Variants in NEK10 observed in about 807,000 individuals in gnomAD.
The protein encoded by NEK10 is serine/threonine-protein kinase Nek10.
In NEK10, 122 loss-of-function variants were observed where a neutral mutation model predicts 159.8. That is an observed-to-expected ratio of 0.76 (90% confidence interval 0.66 to 0.89). The LOEUF (loss-of-function observed/expected upper bound fraction) is 0.89, where lower values mean the gene tolerates loss of function less well. NEK10 is among the 40% of genes least tolerant of loss of function. NEK10 has a pLI of 0.00. For missense variants in NEK10, 1,342 were observed against 1,323.1 expected, an observed-to-expected ratio of 1.01 and a Z score of -0.22; for synonymous variants, 466 against 457.1, an observed-to-expected ratio of 1.02 and a Z score of -0.25.
intron 23 of NEK10, among the ~76,000 whole-genome samples, chr3:27,204,275 C>CTTTTTTTTT (rs1203026508): frequency 6.7e-4 from 43 of 63,874 alleles, no homozygotes; most frequent in Non-Finnish European, 8.5e-4. Flanking sequence ...GATAAATTTT[C>CTTTTTTTTT]TTTTTTTTTT....
At chr3:27,345,984 T>C in intron 4 of NEK10, 102 bp downstream of exon 4, 1 of 1,040,984 alleles carries the variant, frequency 9.6e-7, no homozygotes, top group South Asian at 1.5e-5. Flanking sequence ...ATGGTAAATT[T>C]TGAAGCGGGT....
chr3:27,206,727 G>A (rs537678838), intron 23 of NEK10: 2 of 537,870 alleles, frequency 3.7e-6, no homozygotes, highest in African/African-American at 2.1e-5. Flanking sequence ...TTAAAGCAGT[G>A]GACTCTAAAC....
chr3:27,205,964 C>T (rs1391345604), intron 23 of NEK10, among the ~76,000 whole-genome samples: 1 of 142,710 alleles, frequency 7.0e-6, no homozygotes, highest in Non-Finnish European at 1.5e-5. Context: ...ACTCATCTGA[C>T]AAAGGGCTAA....
At chr3:27,147,906 A>G (rs1944459500) in intron 30 of NEK10, among the ~76,000 whole-genome samples, 1 of 152,244 alleles carries the variant, frequency 6.6e-6, no homozygotes, top group Non-Finnish European at 1.5e-5. Flanking sequence ...ATGCTCTTGA[A>G]TCAGCATTTT....
chr3:27,200,241 A>T (rs1161244449), intron 25 of NEK10, among the ~76,000 whole-genome samples: 1 of 152,224 alleles, frequency 6.6e-6, no homozygotes. Context: ...TAGAAGGATA[A>T]ATCAAAGGGA....
At chr3:27,149,703 A>G (rs1345163616) in intron 30 of NEK10, among the ~76,000 whole-genome samples, 1 of 152,148 alleles carries the variant, frequency 6.6e-6, no homozygotes, top group African/African-American at 2.4e-5. Flanking sequence ...CTGAGACACA[A>G]CAATACTGAG....
At chr3:27,267,657 G>C (rs1438589907) in intron 22 of NEK10, among the ~76,000 whole-genome samples, 3 of 152,246 alleles carry the variant, frequency 2.0e-5, no homozygotes, top group Admixed American at 2.0e-4. Context: ...TGTGCATCCT[G>C]ACTGCTACAT....
At chr3:27,329,402 A>G (rs909214182) in intron 5 of NEK10, among the ~76,000 whole-genome samples, 21 of 152,228 alleles carry the variant, frequency 1.4e-4, no homozygotes, top group African/African-American at 4.6e-4. Context: ...AGGAAAGGCC[A>G]GGTTTCACAA....
At chr3:27,279,298 T>C (rs889213947) in intron 22 of NEK10, among the ~76,000 whole-genome samples, 2 of 152,168 alleles carry the variant, frequency 1.3e-5, no homozygotes, top group African/African-American at 4.8e-5. Flanking sequence ...CAATTCTGTG[T>C]TTCTTTTCTG....
At chr3:27,172,484 C>A (rs1205701188) in intron 28 of NEK10, among the ~76,000 whole-genome samples, 1 of 151,764 alleles carries the variant, frequency 6.6e-6, no homozygotes, top group Non-Finnish European at 1.5e-5. Flanking sequence ...AAAAAGATAT[C>A]TCTACTCTCG....
Position 27,209,010 on chromosome 3 carries a change from T to C in NEK10, c.2091-6453A>G, listed in dbSNP as rs1285382926. 2.0e-5 allele frequency among the ~76,000 whole-genome samples: 3 copies of C among 152,190 alleles called. No homozygotes were observed. In the East Asian group the frequency reaches 5.8e-4, roughly 29 times the overall value. On this transcript the variant is annotated intron_variant, in intron 23 of 35. Coordinates refer to ENST00000691995, the MANE Select transcript of NEK10 (RefSeq NM_001394966.1). The stretch of plus-strand genomic sequence containing the variant: ...GACACATTCAAGAGCTGTGGAATAA[T>C]ATACTATGCCACTAAAAGAAATTGG...
chr3:27,358,235 A>G (rs1025259835), intron 1 of NEK10, among the ~76,000 whole-genome samples: 1 of 152,228 alleles, frequency 6.6e-6, no homozygotes, highest in Non-Finnish European at 1.5e-5. Flanking sequence ...GAAAGATTAT[A>G]TATAAAAACC....
At chr3:27,151,974 C>T (rs887346876) in intron 30 of NEK10, among the ~76,000 whole-genome samples, 1 of 152,024 alleles carries the variant, frequency 6.6e-6, no homozygotes, top group Non-Finnish European at 1.5e-5. Context: ...ATGAACAAAG[C>T]CTCCAAGAAG....
At chr3:27,229,606 AT>A (rs1953013198) in intron 23 of NEK10, among the ~76,000 whole-genome samples, 2 of 152,184 alleles carry the variant, frequency 1.3e-5, no homozygotes, top group African/African-American at 4.8e-5. Flanking sequence ...TAAAACCAAC[AT>A]AAAGAAATTT....
intron 5 of NEK10, among the ~76,000 whole-genome samples, chr3:27,334,884 T>A (rs2046688096): frequency 1.3e-5 from 2 of 151,710 alleles, no homozygotes; most frequent in African/African-American, 4.8e-5. Context: ...CAACAATAGA[T>A]CCCAATCAAA....
chr3:27,151,023 C>T (rs1339846310), intron 30 of NEK10, among the ~76,000 whole-genome samples: 1 of 152,156 alleles, frequency 6.6e-6, no homozygotes, highest in East Asian at 1.9e-4. Context: ...AGAGTCTGAG[C>T]TCTGGCACAC....
chr3:27,292,767 C>CAAA lies in NEK10; in HGVS notation c.1373+818_1373+820dup, dbSNP rs35773318. 1.7e-3 allele frequency among the ~76,000 whole-genome samples: 147 copies of CAAA among 88,402 alleles called. 2 individuals carry two copies. The highest frequency in any genetic ancestry group is 4.5e-3 in the African/African-American group (142 of 31,582). The allele number at this position is 88,402 out of a possible 152,430, so 58.0% of individuals were successfully genotyped here. A position where few individuals can be genotyped will look rare whatever the true frequency, so the allele number is the denominator to read the frequency against. ...GAGAAGCAACAGGATGAGCCTTTGT[C>CAAA]AAAAAAAAAAAAAAAAAAGAGAACT... On this transcript the variant is annotated intron_variant, in intron 16 of 35. Coordinates refer to ENST00000691995, the MANE Select transcript of NEK10 (RefSeq NM_001394966.1).
intron 7 of NEK10, among the ~76,000 whole-genome samples, chr3:27,313,638 C>CAT (rs1471809462): frequency 7.9e-5 from 12 of 152,062 alleles, no homozygotes; most frequent in East Asian, 1.9e-4. Context: ...AATATATATG[C>CAT]ATATATATAT....
chr3:27,119,941 T>G (rs1575378017), intron 32 of NEK10, 73 bp from the exon 33 acceptor site: 1 of 1,102,218 alleles, frequency 9.1e-7, no homozygotes, highest in Non-Finnish European at 1.4e-6. Context: ...CTGTGTGGGG[T>G]TTTTCATTTC....
Sources: allele counts gnomAD v4.1 joint callset (sites outside exome capture counted in the v4.1 genomes callset), GRCh38; gene constraint gnomAD v4.1.1; transcripts MANE v1.5; gene names NCBI Gene and HGNC (gene_info 2026-07-23, HGNC 2026-07-21).